Variants in PHF2 observed in about 807,000 individuals in gnomAD.
PHF2 encodes the protein PHD finger protein 2, also known as lysine-specific demethylase PHF2.
Under a neutral mutation model 120.5 loss-of-function variants are expected in PHF2, and 27 were observed. That is an observed-to-expected ratio of 0.22 (90% CI 0.17 to 0.31). PHF2 has a LOEUF of 0.31. PHF2 is among the 10% of genes least tolerant of loss of function. The pLI is 1.00. For missense variants in PHF2, 1,024 were observed against 1,434.8 expected (o/e 0.71, Z 4.63); for synonymous variants, 568 against 592.5 (o/e 0.96, Z 0.60).
intron 5 of PHF2, among the ~76,000 whole-genome samples, chr9:93,651,437 A>G (rs1254827820): frequency 6.6e-6 from 1 of 152,050 alleles, no homozygotes; most frequent in Non-Finnish European, 1.5e-5. Flanking sequence ...TTTGTTGGGC[A>G]CTTACCTACC....
At chr9:93,658,335 T>G (rs1019680737) in intron 10 of PHF2, 99 bp downstream of exon 10, 1 of 925,102 alleles carries the variant, frequency 1.1e-6, no homozygotes, top group African/African-American at 1.6e-5. Context: ...TTGTCCTGCT[T>G]CAGTGAGATC....
At chr9:93,639,905 GT>G (rs1311252023) in intron 3 of PHF2, among the ~76,000 whole-genome samples, 9 of 152,386 alleles carry the variant, frequency 5.9e-5, no homozygotes, top group African/African-American at 2.2e-4. Flanking sequence ...AGCTCTGAAT[GT>G]GAATGGAGGG....
At chr9:93,589,133 C>A (rs1445477181) in intron 1 of PHF2, among the ~76,000 whole-genome samples, 1 of 152,174 alleles carries the variant, frequency 6.6e-6, no homozygotes, top group Non-Finnish European at 1.5e-5. Flanking sequence ...TGGTATGTCT[C>A]TTTCTCTAGT....
chr9:93,594,740 G>A (rs1461607051), intron 1 of PHF2: 1 of 152,240 alleles, frequency 6.6e-6, no homozygotes, highest in African/African-American at 2.4e-5. Context: ...ACAGAAGATA[G>A]GACCGCTGAG....
intron 5 of PHF2, among the ~76,000 whole-genome samples, chr9:93,649,884 ACT>A (rs1270425212): frequency 6.6e-6 from 1 of 151,426 alleles, no homozygotes; most frequent in Admixed American, 6.6e-5. Flanking sequence ...TTGTCAACAC[ACT>A]CGTGACACAA....
At chr9:93,597,452 C>CT (rs1273094944) in intron 1 of PHF2, among the ~76,000 whole-genome samples, 1 of 151,942 alleles carries the variant, frequency 6.6e-6, no homozygotes, top group Non-Finnish European at 1.5e-5. Context: ...CACCTGCTCT[C>CT]TGTCAGGAAA....
intron 5 of PHF2, among the ~76,000 whole-genome samples, chr9:93,651,027 G>A (rs1234886734): frequency 6.6e-6 from 1 of 151,578 alleles, no homozygotes; most frequent in Non-Finnish European, 1.5e-5. Flanking sequence ...TGAGGCAGGA[G>A]GATCACTTGA....
rs1193979060 is a variant in PHF2, at chr9:93,655,890, A to G, written c.953-44A>G. The G allele has an allele frequency of 3.4e-6, 5 of 1,463,220 alleles. No homozygotes were observed. In the Admixed American group the frequency reaches 5.3e-5, roughly 15 times the overall value. 90.6% of individuals were successfully genotyped at this position (1,463,220 alleles called of 1,614,324 possible). ...ATCTAGAGCCATGAGAAGCCCGTTC[A>G]TGGGAGCAAGGTGGGGCACCAGCCA... On this transcript the variant is annotated intron_variant, in intron 7 of 21. Coordinates refer to ENST00000359246, the MANE Select transcript of PHF2 (RefSeq NM_005392.4).
At chr9:93,593,164 T>A (rs1192340848) in intron 1 of PHF2, among the ~76,000 whole-genome samples, 5 of 147,300 alleles carry the variant, frequency 3.4e-5, no homozygotes, top group African/African-American at 1.3e-4. Flanking sequence ...GGACGGGACA[T>A]GGCAGCACCC....
At position 93,678,159 on chromosome 9, in the gene PHF2, C is replaced by T. The variant is rs79380127; in HGVS notation, c.*483C>T. 6.4e-6 allele frequency: 1 copy of T among 155,166 alleles called. No individual in the cohort carries two copies. Among genetic ancestry groups the T allele is most frequent in the Admixed American group, 6.3e-5 (1 of 15,826 alleles). The allele number at this position is 155,166 out of a possible 1,614,324, so 9.6% of individuals were successfully genotyped here. ...GAGCAAGTGGGATGTTTATGTCCCCCCTTCTCTTCCTGAGTGATTCTCAGC... is the reference window on the plus strand; with the variant it reads ...GAGCAAGTGGGATGTTTATGTCCCCTCTTCTCTTCCTGAGTGATTCTCAGC... On this transcript the variant is annotated 3_prime_UTR_variant, in exon 22 of 22. Coordinates refer to ENST00000359246, the MANE Select transcript of PHF2 (RefSeq NM_005392.4).
At chr9:93,662,732 A>ATGGG (rs1019145083) in intron 12 of PHF2, among the ~76,000 whole-genome samples, 175 bp from the exon 13 acceptor site, 6 of 151,890 alleles carry the variant, frequency 4.0e-5, no homozygotes, top group African/African-American at 1.5e-4. Context: ...GGATGGATGG[A>ATGGG]TGGGTGGGTG....
Position 93,673,637 on chromosome 9 carries a change from A to G in PHF2, c.2401A>G (p.Met801Val). ...TQEAIQGMLS[M>V]ANLQASDSCL... ...GGAAGCCATTCAGGGAATGCTGTCCATGGCCAACCTGCAGGCCTCCGACTC... is the reference window on the plus strand; with the variant it reads ...GGAAGCCATTCAGGGAATGCTGTCCGTGGCCAACCTGCAGGCCTCCGACTC... Residue 801 changes from methionine (M) to valine (V), a missense_variant, in exon 18 of 22, where the codon ATG (methionine) becomes GTG (valine). Physicochemically the swap from Met to Val is conservative, Grantham distance 21. This residue lies in a region of PHF2 where 677 missense variants were observed against 857.4 expected (regional missense o/e 0.79). Coordinates refer to ENST00000359246, the MANE Select transcript of PHF2 (RefSeq NM_005392.4). 2 of 1,606,588 alleles carry G rather than the reference A, an allele frequency of 1.2e-6. No homozygotes were observed. The highest frequency in any genetic ancestry group is 1.7e-6 in the Non-Finnish European group (2 of 1,175,340).
intron 1 of PHF2, among the ~76,000 whole-genome samples, chr9:93,605,996 C>T (rs1216630231): frequency 1.3e-5 from 2 of 151,672 alleles, no homozygotes. Context: ...TTTTTTTCAA[C>T]AGGGTCTGGC....
chr9:93,616,020 GAAGA>G (rs749279827), intron 1 of PHF2, among the ~76,000 whole-genome samples: 2 of 152,208 alleles, frequency 1.3e-5, no homozygotes, highest in Non-Finnish European at 2.9e-5. Flanking sequence ...AAGTATAAGG[GAAGA>G]AAGACATGGC....
intron 1 of PHF2, among the ~76,000 whole-genome samples, chr9:93,581,493 C>T (rs1018909180): frequency 4.6e-5 from 7 of 152,080 alleles, no homozygotes; most frequent in African/African-American, 1.7e-4. Flanking sequence ...GAATTCTCCC[C>T]CTGTGTGAGT....
At chr9:93,623,849 CT>C (rs1825863167) in intron 1 of PHF2, among the ~76,000 whole-genome samples, 1 of 152,258 alleles carries the variant, frequency 6.6e-6, no homozygotes, top group Non-Finnish European at 1.5e-5. Flanking sequence ...GTTCCCAGAA[CT>C]CAAGACTGTG....
chr9:93,615,025 GTGA>G (rs1432277435), intron 1 of PHF2, among the ~76,000 whole-genome samples: 2 of 151,680 alleles, frequency 1.3e-5, no homozygotes, highest in African/African-American at 4.9e-5. Context: ...GATGGTGATG[GTGA>G]TGATGGTGAT....
At position 93,673,882 on chromosome 9, in the gene PHF2, G is replaced by T; in HGVS notation, c.2626+20G>T. On this transcript the variant is annotated intron_variant, in intron 18 of 21. Coordinates refer to ENST00000359246, the MANE Select transcript of PHF2 (RefSeq NM_005392.4). ...ACTACGGTGAGTGTCACTCCTGCGT[G>T]GGGCAGGGCCCATGCTCAGCCCTAG... is the stretch of plus-strand genomic sequence containing the variant. 3 of 1,561,494 alleles carry T rather than the reference G, an allele frequency of 1.9e-6. No homozygotes were observed. Among genetic ancestry groups the T allele is most frequent in the Non-Finnish European group, 2.6e-6 (3 of 1,147,156 alleles).
intron 6 of PHF2, 109 bp from the exon 7 acceptor site, chr9:93,654,304 C>T (rs762350372): frequency 2.3e-5 from 22 of 939,580 alleles, no homozygotes; most frequent in Admixed American, 1.1e-4. Context: ...GTGTTGCAGG[C>T]GGGAGTCGTG....
Sources: gnomAD v4.1 joint callset for allele counts (sites outside exome capture counted in the v4.1 genomes callset) on GRCh38, gnomAD v4.1.1 for gene constraint, gnomAD v4.1.1 regional missense constraint, MANE v1.5 for transcripts, NCBI Gene and HGNC (gene_info 2026-07-23, HGNC 2026-07-21) for gene names.